The following FARS2 variants were observed in gnomAD, a reference collection of about 807,000 sequenced individuals.
The protein encoded by FARS2 is phenylalanyl-tRNA synthetase 2, mitochondrial.
FARS2 carries 40 observed loss-of-function variants against 46.4 expected under a neutral mutation model. The ratio of observed to expected loss-of-function variants is 0.86; its 90% CI spans 0.67 to 1.12. The LOEUF is 1.12. FARS2 is among the 50% of genes most tolerant of loss of function. FARS2 has a pLI of 0.00. For synonymous variants in FARS2, 234 were observed against 214.9 expected (o/e 1.09, Z -0.78); for missense variants, 513 against 567.9 (o/e 0.90, Z 0.98).
At chr6:5,564,867 T>C (rs550652545) in intron 5 of FARS2, among the ~76,000 whole-genome samples, 2 of 152,320 alleles carry the variant, frequency 1.3e-5, no homozygotes, top group Admixed American at 6.5e-5. Context: ...GACCACAGGT[T>C]AGGAATCCTG....
intron 1 of FARS2, among the ~76,000 whole-genome samples, chr6:5,319,161 G>A (rs991266271): frequency 6.6e-6 from 1 of 152,048 alleles, no homozygotes; most frequent in African/African-American, 2.4e-5. Context: ...TCAGGAAGTT[G>A]TTATACTGTC....
At chr6:5,300,751 G>A (rs1768240278) in intron 1 of FARS2, among the ~76,000 whole-genome samples, 1 of 151,988 alleles carries the variant, frequency 6.6e-6, no homozygotes, top group Admixed American at 6.6e-5. Flanking sequence ...GCTTAGTGCA[G>A]CCTTCATCTC....
At chr6:5,268,024 T>C (rs1765670447) in intron 1 of FARS2, among the ~76,000 whole-genome samples, 1 of 152,204 alleles carries the variant, frequency 6.6e-6, no homozygotes, top group African/African-American at 2.4e-5. Flanking sequence ...TCTGTTCATA[T>C]CCTTCGCCCA....
At chr6:5,443,316 C>G (rs970800404) in intron 4 of FARS2, among the ~76,000 whole-genome samples, 1 of 152,188 alleles carries the variant, frequency 6.6e-6, no homozygotes, top group African/African-American at 2.4e-5. Context: ...GGTATTGATG[C>G]AAGTGGTTCC....
At chr6:5,273,739 C>A (rs1766131989) in intron 1 of FARS2, among the ~76,000 whole-genome samples, 1 of 152,048 alleles carries the variant, frequency 6.6e-6, no homozygotes, top group African/African-American at 2.4e-5. Flanking sequence ...CACAAAAAAT[C>A]TTTGCCCAGA....
chr6:5,432,414 T>TA (rs1288798730), intron 4 of FARS2, among the ~76,000 whole-genome samples: 2 of 127,192 alleles, frequency 1.6e-5, no homozygotes, highest in Non-Finnish European at 3.2e-5. Flanking sequence ...GTATTATATA[T>TA]AATATATAAT....
chr6:5,616,467 A>G (rs1460199510), intron 6 of FARS2, among the ~76,000 whole-genome samples: 1 of 152,212 alleles, frequency 6.6e-6, no homozygotes, highest in East Asian at 1.9e-4. Flanking sequence ...TATCCAAAAA[A>G]TGCTTGGGGC....
chr6:5,256,490 GGAAAAAAAAAAAAAAAAAAAA>G (rs1177105738), upstream of FARS2, among the ~76,000 whole-genome samples: 11 of 37,522 alleles, frequency 2.9e-4, 1 homozygote, highest in South Asian at 4.2e-3. Flanking sequence ...GATTTCAACT[GGAAAAAAAAAAAAAAAAAAAA>G]AAAAAAAAAA....
intron 1 of FARS2, among the ~76,000 whole-genome samples, chr6:5,362,368 C>A (rs975981207): frequency 6.6e-6 from 1 of 152,068 alleles, no homozygotes; most frequent in Admixed American, 6.6e-5. Flanking sequence ...AGAGAGAGAG[C>A]GAGAGTTCTC....
chr6:5,363,660 A>C (rs1581889248), intron 1 of FARS2, among the ~76,000 whole-genome samples: 1 of 152,140 alleles, frequency 6.6e-6, no homozygotes, highest in African/African-American at 2.4e-5. Context: ...CATGCTAAAC[A>C]TTGCACATTG....
intron 5 of FARS2, among the ~76,000 whole-genome samples, chr6:5,608,951 A>T (rs1775009333): frequency 6.6e-6 from 1 of 152,060 alleles, no homozygotes; most frequent in Non-Finnish European, 1.5e-5. Context: ...AATCAACAGC[A>T]TGGGTGCCAA....
At chr6:5,561,061 G>T (rs1258559532) in intron 5 of FARS2, among the ~76,000 whole-genome samples, 2 of 152,094 alleles carry the variant, frequency 1.3e-5, no homozygotes, top group African/African-American at 4.8e-5. Context: ...AACCCAGGTG[G>T]TAGAAGTTGC....
intron 1 of FARS2, among the ~76,000 whole-genome samples, chr6:5,360,895 CAG>C (rs1426452955): frequency 1.3e-5 from 2 of 152,236 alleles, no homozygotes; most frequent in East Asian, 3.9e-4. Flanking sequence ...TTTAGTGAAA[CAG>C]AGAAGATCAG....
intron 6 of FARS2, among the ~76,000 whole-genome samples, chr6:5,730,033 TC>T (rs921444881): frequency 3.9e-5 from 6 of 152,134 alleles, no homozygotes; most frequent in African/African-American, 1.4e-4. Flanking sequence ...GGAGCAAAAT[TC>T]CCTTCAGATA....
At chr6:5,682,094 G>A (rs1779062175) in intron 6 of FARS2, among the ~76,000 whole-genome samples, 1 of 152,146 alleles carries the variant, frequency 6.6e-6, no homozygotes, top group South Asian at 2.1e-4. Flanking sequence ...TGAACTTTTA[G>A]TAACTGAATG....
At chr6:5,675,232 A>G (rs2150818937) in intron 6 of FARS2, among the ~76,000 whole-genome samples, 1 of 144,254 alleles carries the variant, frequency 6.9e-6, no homozygotes, top group South Asian at 2.3e-4. Context: ...ACACACACAC[A>G]CACACACGGT....
intron 4 of FARS2, among the ~76,000 whole-genome samples, chr6:5,468,056 A>T (rs966722647): frequency 5.9e-5 from 9 of 152,214 alleles, no homozygotes; most frequent in African/African-American, 2.2e-4. Flanking sequence ...GTTGGAAGGG[A>T]CCTGAGAGAG....
rs1375211849 is a variant in FARS2 at position 5,471,534 on chromosome 6, A to G, written c.904+40362A>G. 6.6e-6 allele frequency among the ~76,000 whole-genome samples: 1 copy of G among 152,258 alleles called. No individual in the cohort carries two copies. The highest frequency in any genetic ancestry group is 2.4e-5 in the African/African-American group (1 of 41,468). On this transcript the variant is annotated intron_variant, in intron 4 of 6. Transcript: ENST00000274680. This position sits in a 1 kb window ranked among gnomAD's most constrained non-coding sequence, Gnocchi z 4.1. ...ATTTTTGCTTGAAGTAAATGTTACC[A>G]GCAACACTGTACCACCTATTTTAAA...
intron 6 of FARS2, among the ~76,000 whole-genome samples, chr6:5,732,479 T>C (rs1760699721): frequency 6.6e-6 from 1 of 152,032 alleles, no homozygotes. Context: ...TCTGACCCGT[T>C]CCCCCAGCTT....
Sources: gnomAD v4.1 joint callset for allele counts (sites outside exome capture counted in the v4.1 genomes callset) on GRCh38, gnomAD v4.1.1 for gene constraint, Gnocchi (gnomAD v3.1) non-coding constraint, MANE v1.5 for transcripts, NCBI Gene and HGNC (gene_info 2026-07-23, HGNC 2026-07-21) for gene names.